The following PRDM16 variants were observed in gnomAD, a reference collection of about 807,000 sequenced individuals.
The protein encoded by PRDM16 is histone-lysine N-methyltransferase PRDM16.
In PRDM16, 23 loss-of-function variants were observed where a neutral mutation model predicts 110.6. That is an observed-to-expected ratio of 0.21 (90% CI 0.15 to 0.29). PRDM16 has a LOEUF of 0.29. Among genes scored for constraint, PRDM16 ranks in the 10% least tolerant of loss-of-function variants. The probability of loss-of-function intolerance (pLI) is 1.00; values close to 1 mark genes in which losing one functional copy is unlikely to be tolerated. For synonymous variants in PRDM16, 799 were observed against 781.8 expected (o/e 1.02, Z -0.37); for missense variants, 1,615 against 1,794.3 (o/e 0.90, Z 1.81).
chr1:3,341,913 A>G (rs946232798), intron 3 of PRDM16, among the ~76,000 whole-genome samples: 3 of 152,258 alleles, frequency 2.0e-5, no homozygotes, highest in African/African-American at 7.2e-5. Flanking sequence ...GGTGTATTAA[A>G]TTCATTTGGC....
chr1:3,279,176 C>T lies in PRDM16; in HGVS notation c.438+35039C>T, dbSNP rs77358002. On this transcript the variant is annotated intron_variant, in intron 3 of 16. Coordinates refer to ENST00000270722, the MANE Select transcript of PRDM16 (RefSeq NM_022114.4). ...TTGGTCATCAGGAGCCTCGAAGCGTCGCTCACCATGCCTGGAAAGACCGGC... is the reference window on the plus strand; with the variant it reads ...TTGGTCATCAGGAGCCTCGAAGCGTTGCTCACCATGCCTGGAAAGACCGGC... Among the ~76,000 whole-genome samples, 1,125 of 152,310 alleles carry T rather than the reference C, an allele frequency of 7.4e-3. 17 individuals carry two copies. The highest frequency in any genetic ancestry group is 0.024 in the African/African-American group (999 of 41,564).
chr1:3,352,839 C>T (rs1274573260), intron 3 of PRDM16, among the ~76,000 whole-genome samples: 1 of 152,206 alleles, frequency 6.6e-6, no homozygotes, highest in East Asian at 1.9e-4. Flanking sequence ...TCCAAGGCCT[C>T]TGCCCGGTGT....
intron 3 of PRDM16, among the ~76,000 whole-genome samples, chr1:3,249,357 G>C (rs1413637628): frequency 6.6e-6 from 1 of 152,050 alleles, no homozygotes; most frequent in African/African-American, 2.4e-5. Flanking sequence ...AAGGCTCTCT[G>C]GGATGTACTG....
intron 1 of PRDM16, among the ~76,000 whole-genome samples, chr1:3,152,519 C>A (rs568732434): frequency 6.6e-6 from 1 of 152,188 alleles, no homozygotes. Flanking sequence ...GATCCCATCT[C>A]CCAAAGAAGA....
At chr1:3,289,663 C>T (rs1379940968) in intron 3 of PRDM16, among the ~76,000 whole-genome samples, 2 of 152,300 alleles carry the variant, frequency 1.3e-5, no homozygotes, top group East Asian at 1.9e-4. Context: ...CTGGCAGAAG[C>T]GAGGATGGCC....
At chr1:3,431,804 G>A (rs372407317) in intron 15 of PRDM16, among the ~76,000 whole-genome samples, 162 bp from the exon 16 acceptor site, 71 of 152,346 alleles carry the variant, frequency 4.7e-4, no homozygotes, top group African/African-American at 1.6e-3. Flanking sequence ...GTGCCTTCCC[G>A]TCCAGGCGTC....
At position 3,426,070 on chromosome 1, in the gene PRDM16, C is replaced by T. The variant is rs199507891; in HGVS notation, c.3129C>T (p.Val1043=). ...CCGCAGTGAGCCAGCACCCCGGGGT[C>T]CTCACGAACCACCTGGGGACCAGCG... is the stretch of plus-strand genomic sequence containing the variant. ...ENAPVSQHPG[V]LTNHLGTSAS... The change falls in exon 14 of 17, where the codon GTC becomes GTT. Residue 1043 remains valine (V), a synonymous_variant. Coordinates refer to ENST00000270722, the MANE Select transcript of PRDM16 (RefSeq NM_022114.4). 2.6e-5 allele frequency: 42 copies of T among 1,613,446 alleles called. No homozygotes were observed. Among genetic ancestry groups the T allele is most frequent in the Non-Finnish European group, 3.6e-5 (42 of 1,179,866 alleles).
chr1:3,434,005 A>G lies in PRDM16; in HGVS notation c.*194A>G, dbSNP rs1321032029. ...GTCCCTAAAGCAGTCGTAGAGTCTC[A>G]CCATCTCCAAGGATTGGTCTTGAGA... On this transcript the variant is annotated 3_prime_UTR_variant, in exon 17 of 17. Coordinates refer to ENST00000270722, the MANE Select transcript of PRDM16 (RefSeq NM_022114.4). The G allele has an allele frequency of 1.7e-6, 1 of 600,470 alleles. No homozygotes were observed. Among genetic ancestry groups the G allele is most frequent in the Non-Finnish European group, 2.9e-6 (1 of 346,732 alleles). 37.2% of individuals were successfully genotyped at this position (600,470 alleles called of 1,614,324 possible). A position where few individuals can be genotyped will look rare whatever the true frequency, so the allele number is the denominator to read the frequency against.
At chr1:3,169,550 GATA>G (rs2100757372) in intron 1 of PRDM16, among the ~76,000 whole-genome samples, 1 of 152,322 alleles carries the variant, frequency 6.6e-6, no homozygotes, top group Non-Finnish European at 1.5e-5. Flanking sequence ...ATAAAATGGA[GATA>G]ATAACAGGCC....
chr1:3,421,656 G>A (rs1464675593), intron 12 of PRDM16, among the ~76,000 whole-genome samples: 7 of 152,174 alleles, frequency 4.6e-5, no homozygotes, highest in Non-Finnish European at 7.3e-5. Context: ...CCTGTTCGTG[G>A]CTCTCCCCGG....
chr1:3,114,323 G>A (rs565310708), intron 1 of PRDM16, among the ~76,000 whole-genome samples: 6 of 130,308 alleles, frequency 4.6e-5, no homozygotes, highest in African/African-American at 9.0e-5. Context: ...ACGCACACAC[G>A]CAGTGTAAAC....
chr1:3,181,730 G>GCA (rs149978104), intron 1 of PRDM16, among the ~76,000 whole-genome samples: 25,483 of 119,268 alleles, frequency 0.21, 3,599 homozygotes, highest in Admixed American at 0.28. Context: ...TCTTACACAC[G>GCA]GTCTTACACA....
chr1:3,205,327 T>G (rs115879834), intron 2 of PRDM16, among the ~76,000 whole-genome samples: 1,714 of 152,060 alleles, frequency 0.011, 36 homozygotes, highest in African/African-American at 0.039. Flanking sequence ...AGACCGCCCC[T>G]CGTCAGCCAT....
At chr1:3,426,542 A>G (rs2100694204) in intron 14 of PRDM16, among the ~76,000 whole-genome samples, 1 of 152,300 alleles carries the variant, frequency 6.6e-6, no homozygotes, top group East Asian at 1.9e-4. Context: ...TGCCGCTGAC[A>G]CTCAAGGACA....
chr1:3,137,283 G>A lies in PRDM16; in HGVS notation c.38-48842G>A, dbSNP rs1422157591. ...ACGCTGACCTGGCCGCCACCGGCCCGGGTGCAGGCATGTGAGGTGGGTCAC... is the reference window on the plus strand; with the variant it reads ...ACGCTGACCTGGCCGCCACCGGCCCAGGTGCAGGCATGTGAGGTGGGTCAC... On this transcript the variant is annotated intron_variant, in intron 1 of 16. Transcript: ENST00000270722. Among the ~76,000 whole-genome samples the A allele has an allele frequency of 3.3e-5, 5 of 152,382 alleles. No individual in the cohort carries two copies. The South Asian group carries it at 6.2e-4, about 19-fold the overall frequency.
At chr1:3,238,749 G>C (rs567672352) in intron 2 of PRDM16, among the ~76,000 whole-genome samples, 5 of 152,222 alleles carry the variant, frequency 3.3e-5, no homozygotes, top group Non-Finnish European at 7.3e-5. Flanking sequence ...TGCAAGTCCC[G>C]GGTGGAAGGG....
rs1192530024 is a variant in PRDM16 at position 3,095,276 on chromosome 1, G to A, written c.37+25980G>A. On this transcript the variant is annotated intron_variant, in intron 1 of 16. Coordinates refer to ENST00000270722, the MANE Select transcript of PRDM16 (RefSeq NM_022114.4). The stretch of plus-strand genomic sequence containing the variant: ...TGCAGCTGGGTTGAGGTGGCCCAGG[G>A]CTGTCCAGGGAGGTAGCCGAGAAGA... Among the ~76,000 whole-genome samples, 4 of 152,070 alleles carry A rather than the reference G, an allele frequency of 2.6e-5. No homozygotes were observed. The East Asian group carries it at 5.8e-4, about 22-fold the overall frequency.
At position 3,244,134 on chromosome 1, in the gene PRDM16, A is replaced by G. The variant is rs1489640869; in HGVS notation, c.435A>G (p.Thr145=). 6.2e-7 allele frequency: 1 copy of G among 1,613,864 alleles called. No individual in the cohort carries two copies. Among genetic ancestry groups the G allele is most frequent in the Non-Finnish European group, 8.5e-7 (1 of 1,180,006 alleles). The change falls in exon 3 of 17, where the codon ACA becomes ACG. Residue 145 remains threonine, a synonymous_variant. Transcript: ENST00000270722. This position sits in a 1 kb window ranked among gnomAD's most constrained non-coding sequence, Gnocchi z 4.1. ...VEVSPQEGCI[T]KISEDLGSEK... Reference sequence around the variant, plus strand: ...TGTCGCCCCAGGAAGGCTGCATCACAAAGGTAGGAGAGCTCGCCCTGCGCC... The same window carrying G: ...TGTCGCCCCAGGAAGGCTGCATCACGAAGGTAGGAGAGCTCGCCCTGCGCC...
At chr1:3,135,568 C>T (rs950774941) in intron 1 of PRDM16, among the ~76,000 whole-genome samples, 5 of 152,222 alleles carry the variant, frequency 3.3e-5, no homozygotes, top group Admixed American at 6.5e-5. Flanking sequence ...CCCTCCCCCT[C>T]CGTGGCCCGC....
Sources: gnomAD v4.1 joint callset for allele counts (sites outside exome capture counted in the v4.1 genomes callset) on GRCh38, gnomAD v4.1.1 for gene constraint, Gnocchi (gnomAD v3.1) non-coding constraint, MANE v1.5 for transcripts, NCBI Gene and HGNC (gene_info 2026-07-23, HGNC 2026-07-21) for gene names.